Variants in ZNF475 observed in about 807,000 individuals in gnomAD.
The protein encoded by ZNF475 is zinc finger protein 475.
At chr5:122,164,483 TG>T in the ZNF475 span, among the ~76,000 whole-genome samples, 1 of 152,094 alleles carries the variant, frequency 6.6e-6, no homozygotes, top group Non-Finnish European at 1.5e-5. Flanking sequence ...GACCTATGCC[TG>T]GGCCAGGAGA....
At chr5:122,181,085 C>A in the ZNF475 span, among the ~76,000 whole-genome samples, 1 of 152,172 alleles carries the variant, frequency 6.6e-6, no homozygotes, top group African/African-American at 2.4e-5. Context: ...CCTGGTGGTT[C>A]ACTATTCTGT....
At chr5:122,165,545 G>A in the ZNF475 span, among the ~76,000 whole-genome samples, 2 of 152,150 alleles carry the variant, frequency 1.3e-5, no homozygotes, top group Non-Finnish European at 2.9e-5. Flanking sequence ...GTGTCTGAAG[G>A]TAGGAGTGCC....
chr5:122,174,769 T>A, the ZNF475 span, among the ~76,000 whole-genome samples: 1 of 152,234 alleles, frequency 6.6e-6, no homozygotes, highest in Admixed American at 6.5e-5. Flanking sequence ...AATACTGGAT[T>A]TGGCTCATAC....
chr5:122,181,247 A>C, the ZNF475 span, among the ~76,000 whole-genome samples: 1 of 152,192 alleles, frequency 6.6e-6, no homozygotes, highest in Non-Finnish European at 1.5e-5. Context: ...CATTGTAGTC[A>C]CAGGGTTCAA....
the ZNF475 span, among the ~76,000 whole-genome samples, chr5:122,161,978 AT>A: frequency 1.6e-3 from 248 of 151,868 alleles, 1 homozygote; most frequent in African/African-American, 5.8e-3. Context: ...AAATGTGAAA[AT>A]TAAAAAAAAA....
the ZNF475 span, among the ~76,000 whole-genome samples, chr5:122,170,957 C>T: frequency 6.6e-6 from 1 of 152,162 alleles, no homozygotes; most frequent in East Asian, 1.9e-4. Context: ...ACCCCTGTCA[C>T]TCAAGAAATT....
the ZNF475 span, chr5:122,179,718 A>G: frequency 2.6e-6 from 4 of 1,518,172 alleles, no homozygotes; most frequent in Non-Finnish European, 2.6e-6. Flanking sequence ...ACCAGAAGTC[A>G]GGACCATTAC....
chr5:122,171,402 T>C, the ZNF475 span, among the ~76,000 whole-genome samples: 1 of 152,182 alleles, frequency 6.6e-6, no homozygotes, highest in African/African-American at 2.4e-5. Context: ...CACAGACATA[T>C]GTAAGTAGAC....
chr5:122,165,403 T>C, the ZNF475 span, among the ~76,000 whole-genome samples: 1 of 152,168 alleles, frequency 6.6e-6, no homozygotes, highest in Non-Finnish European at 1.5e-5. Context: ...ACATATATGG[T>C]CAGTTCTAGG....
the ZNF475 span, among the ~76,000 whole-genome samples, chr5:122,161,333 C>A: frequency 6.6e-6 from 1 of 152,224 alleles, no homozygotes; most frequent in Non-Finnish European, 1.5e-5. Context: ...TCTCATATCC[C>A]AGGTTACCCT....
the ZNF475 span, among the ~76,000 whole-genome samples, chr5:122,167,928 A>G: frequency 1.3e-5 from 2 of 152,224 alleles, no homozygotes; most frequent in Non-Finnish European, 2.9e-5. Context: ...TCTGAGTTTC[A>G]TCCACTGGTG....
the ZNF475 span, chr5:122,160,307 A>C: frequency 1.3e-5 from 17 of 1,280,716 alleles, no homozygotes; most frequent in Non-Finnish European, 1.7e-5. Flanking sequence ...CCAGAAGGCA[A>C]CCCAAGGGAA....
chr5:122,172,875 T>C, the ZNF475 span, among the ~76,000 whole-genome samples: 7 of 151,970 alleles, frequency 4.6e-5, no homozygotes, highest in South Asian at 1.2e-3. Context: ...CTACTAAAAA[T>C]ACAAAAAATT....
the ZNF475 span, among the ~76,000 whole-genome samples, chr5:122,174,624 A>G: frequency 3.7e-4 from 56 of 152,286 alleles, no homozygotes; most frequent in South Asian, 1.5e-3. Context: ...CATCCATTTC[A>G]GTTGTTCAGT....
the ZNF475 span, among the ~76,000 whole-genome samples, chr5:122,178,186 A>G: frequency 6.6e-6 from 1 of 152,122 alleles, no homozygotes; most frequent in Non-Finnish European, 1.5e-5. Flanking sequence ...GCTATTGTGA[A>G]CTGTGCTGCA....
chr5:122,173,563 T>C, the ZNF475 span, among the ~76,000 whole-genome samples: 2 of 152,252 alleles, frequency 1.3e-5, no homozygotes, highest in African/African-American at 2.4e-5. Flanking sequence ...GCCTAAAGCA[T>C]TGAACATGAA....
the ZNF475 span, chr5:122,179,858 C>T: frequency 1.6e-6 from 1 of 641,596 alleles, no homozygotes; most frequent in Non-Finnish European, 2.4e-6. Flanking sequence ...GCCTTGGTTA[C>T]AGACAAATAA....
chr5:122,169,733 T>C, the ZNF475 span, among the ~76,000 whole-genome samples: 2 of 152,326 alleles, frequency 1.3e-5, no homozygotes, highest in African/African-American at 4.8e-5. Flanking sequence ...CCAGCTAGAA[T>C]GGGCAATACA....
chr5:122,168,345 TG>T, the ZNF475 span, among the ~76,000 whole-genome samples: 2 of 129,052 alleles, frequency 1.5e-5, no homozygotes, highest in African/African-American at 8.7e-5. Context: ...GCCACATTCA[TG>T]GTTTTTTTAC....
Sources: allele counts gnomAD v4.1 joint callset (sites outside exome capture counted in the v4.1 genomes callset), GRCh38; gene constraint gnomAD v4.1.1; transcripts MANE v1.5; gene names NCBI Gene and HGNC (gene_info 2026-07-23, HGNC 2026-07-21).